VIT: variants seen among roughly 807,000 people sequenced by gnomAD.
The protein encoded by VIT is vitrin.
In VIT, 99 loss-of-function variants were observed where a neutral mutation model predicts 78.0. The ratio of observed to expected loss-of-function variants is 1.27; its 90% CI spans 1.08 to 1.50. The LOEUF is 1.50. Among genes scored for constraint, VIT ranks in the 40% most tolerant of loss-of-function variants. The pLI is 0.00. For missense variants in VIT, 1,126 were observed against 875.3 expected (o/e 1.29, Z -3.61); for synonymous variants, 374 against 334.3 (o/e 1.12, Z -1.29).
At position 36,736,674 on chromosome 2, in the gene VIT, A is replaced by G. The variant is rs141776958; in HGVS notation, c.119-6426A>G. ...TGTCCTCAGTAAGCATCAATCTTGT[A>G]TAAGATGAAACAAAAGTATGTAAAG... On this transcript the variant is annotated intron_variant, in intron 3 of 15. Transcript: ENST00000379242. Among the ~76,000 whole-genome samples, 580 of 152,314 alleles carry G rather than the reference A, an allele frequency of 3.8e-3. 2 individuals are homozygous for G. The highest frequency in any genetic ancestry group is 6.5e-3 in the Non-Finnish European group (444 of 68,032).
chr2:36,801,913 G>A (rs1198884190), intron 13 of VIT, among the ~76,000 whole-genome samples: 1 of 152,170 alleles, frequency 6.6e-6, no homozygotes, highest in Non-Finnish European at 1.5e-5. Flanking sequence ...GCAAGAAGGG[G>A]TAGCATTCTT....
At chr2:36,752,627 G>A (rs762167558) in intron 4 of VIT, among the ~76,000 whole-genome samples, 4 of 152,142 alleles carry the variant, frequency 2.6e-5, no homozygotes, top group Non-Finnish European at 4.4e-5. Flanking sequence ...CATCTGCCTC[G>A]TAAGTGGAAC....
At chr2:36,703,685 A>G (rs868029517) in intron 1 of VIT, among the ~76,000 whole-genome samples, 15 of 152,168 alleles carry the variant, frequency 9.9e-5, no homozygotes, top group African/African-American at 3.6e-4. Context: ...ACTTTATTAT[A>G]GAAGGTATGT....
intron 1 of VIT, among the ~76,000 whole-genome samples, chr2:36,709,467 T>C (rs1665666756): frequency 6.6e-6 from 1 of 152,226 alleles, no homozygotes; most frequent in African/African-American, 2.4e-5. Context: ...GATGCATGCA[T>C]GCCAGTCTCC....
intron 15 of VIT, among the ~76,000 whole-genome samples, chr2:36,811,670 C>CTT (rs1168391003): frequency 1.4e-5 from 2 of 143,314 alleles, no homozygotes; most frequent in Non-Finnish European, 1.5e-5. Flanking sequence ...TTCTTTCTTT[C>CTT]TTTTTTTTTT....
intron 5 of VIT, 82 bp from the exon 6 acceptor site, chr2:36,758,887 G>A: frequency 8.4e-7 from 1 of 1,188,138 alleles, no homozygotes; most frequent in Non-Finnish European, 1.2e-6. Context: ...TAAATTGAAA[G>A]GACAGAATCA....
Position 36,729,463 on chromosome 2 carries a change from G to A in VIT, c.90G>A (p.Thr30=), listed in dbSNP as rs147850488. 3.3e-5 allele frequency: 53 copies of A among 1,607,990 alleles called. 1 individual carries two copies. Among genetic ancestry groups the A allele is most frequent in the Middle Eastern group, 1.7e-4 (1 of 6,052 alleles). ...CTGGAGTACATTCAAACAAAGAAAC[G>A]GCAAAGAAGATTAAAAGGCCCAAGT... is the stretch of plus-strand genomic sequence containing the variant. ...LVTGVHSNKE[T]AKKIKRPKFT... The change falls in exon 3 of 16, where the codon ACG becomes ACA. Residue 30 remains threonine (T), a synonymous_variant. Coordinates refer to ENST00000379242, the MANE Select transcript of VIT (RefSeq NM_053276.4).
intron 2 of VIT, among the ~76,000 whole-genome samples, chr2:36,718,648 C>T (rs943192748): frequency 3.9e-5 from 6 of 152,208 alleles, no homozygotes; most frequent in Admixed American, 1.3e-4. Context: ...CAGGAGCCAG[C>T]GGCACTATTC....
At chr2:36,774,529 G>T (rs923834646) in intron 8 of VIT, 6 of 985,402 alleles carry the variant, frequency 6.1e-6, no homozygotes, top group Non-Finnish European at 7.2e-6. Flanking sequence ...TCAGAAGCAG[G>T]TCTTCTCCCT....
At chr2:36,742,175 C>G (rs1667873090) in intron 3 of VIT, among the ~76,000 whole-genome samples, 1 of 152,142 alleles carries the variant, frequency 6.6e-6, no homozygotes, top group African/African-American at 2.4e-5. Context: ...GGACCTTTTC[C>G]TTCTGGAGTT....
At chr2:36,736,185 T>C (rs1359806911) in intron 3 of VIT, among the ~76,000 whole-genome samples, 1 of 152,162 alleles carries the variant, frequency 6.6e-6, no homozygotes, top group African/African-American at 2.4e-5. Flanking sequence ...TCTAACAGAT[T>C]ACCAAAGTGT....
In VIT at chr2:36,808,984, G is replaced by A; in HGVS notation, c.1902G>A (p.Lys634=). The A allele has an allele frequency of 1.9e-6, 3 of 1,573,432 alleles. No homozygotes were observed. Among genetic ancestry groups the A allele is most frequent in the African/African-American group, 1.3e-5 (1 of 74,420 alleles). The change falls in exon 15 of 16, where the codon AAG becomes AAA. Residue 634 remains lysine (K), a splice_region_variant and synonymous_variant. Transcript: ENST00000379242. ...TCCCAGCCATGGCTGCCCATCTGAA[G>A]GGTAAGCTGGGCTTGCCAAGCAGCC... is the stretch of plus-strand genomic sequence containing the variant. The part of the protein sequence containing the change: ...VRIPAMAAHL[K]GVITYAIGVA...
chr2:36,729,736 C>T (rs1394787497), intron 3 of VIT, among the ~76,000 whole-genome samples: 1 of 152,138 alleles, frequency 6.6e-6, no homozygotes, highest in Non-Finnish European at 1.5e-5. Flanking sequence ...TCAAAATGCA[C>T]ATACAAAGAC....
At chr2:36,729,937 C>CA (rs1667091711) in intron 3 of VIT, among the ~76,000 whole-genome samples, 1 of 152,114 alleles carries the variant, frequency 6.6e-6, no homozygotes, top group Non-Finnish European at 1.5e-5. Flanking sequence ...CACACCCAAT[C>CA]AATGGAAGGA....
intron 3 of VIT, among the ~76,000 whole-genome samples, chr2:36,737,615 A>G (rs1407251531): frequency 6.6e-6 from 1 of 152,218 alleles, no homozygotes; most frequent in Non-Finnish European, 1.5e-5. Flanking sequence ...GATTTTTGCA[A>G]TCAACCTTGA....
At chr2:36,808,107 C>A (rs1307395981) in intron 14 of VIT, among the ~76,000 whole-genome samples, 1 of 152,212 alleles carries the variant, frequency 6.6e-6, no homozygotes, top group Non-Finnish European at 1.5e-5. Context: ...CCTCTCATGC[C>A]ATGGTACCCA....
At chr2:36,795,342 CTTATTTTA>C (rs1187165966) in intron 12 of VIT, among the ~76,000 whole-genome samples, 4 of 148,416 alleles carry the variant, frequency 2.7e-5, no homozygotes, top group Non-Finnish European at 5.9e-5. Flanking sequence ...AACACTCTGC[CTTATTTTA>C]TTTTATTTTA....
chr2:36,702,472 T>C (rs1206892360), intron 1 of VIT, among the ~76,000 whole-genome samples: 1 of 152,176 alleles, frequency 6.6e-6, no homozygotes, highest in Non-Finnish European at 1.5e-5. Flanking sequence ...GTCATTAACA[T>C]GTATGTAATA....
At chr2:36,720,065 A>C (rs753115036) in intron 2 of VIT, among the ~76,000 whole-genome samples, 1 of 152,250 alleles carries the variant, frequency 6.6e-6, no homozygotes, top group Non-Finnish European at 1.5e-5. Context: ...AGCAAGCTAC[A>C]GATTCTTCAG....
Sources: gnomAD v4.1 joint callset for allele counts (sites outside exome capture counted in the v4.1 genomes callset) on GRCh38, gnomAD v4.1.1 for gene constraint, MANE v1.5 for transcripts, NCBI Gene and HGNC (gene_info 2026-07-23, HGNC 2026-07-21) for gene names.